HHIPL1: variants seen among roughly 807,000 people sequenced by gnomAD.
HHIPL1 encodes the protein HHIP-like protein 1.
In HHIPL1, 43 loss-of-function variants were observed where a neutral mutation model predicts 61.8. That is an observed-to-expected ratio of 0.70 (90% CI 0.55 to 0.90). The LOEUF (loss-of-function observed/expected upper bound fraction) is 0.90, where lower values mean the gene tolerates loss of function less well. Ranked by LOEUF, HHIPL1 falls within the 40% of genes least tolerant of loss-of-function variation. The pLI is 0.00. For missense variants in HHIPL1, 1,056 were observed against 1,157.7 expected (o/e 0.91, Z 1.28); for synonymous variants, 482 against 515.8 (o/e 0.93, Z 0.89).
chr14:99,615,833 C>T, the HHIPL1 span, among the ~76,000 whole-genome samples: 1,436 of 152,216 alleles, frequency 9.4e-3, 20 homozygotes, highest in Non-Finnish European at 0.014. Context: ...AGGAGGCTCC[C>T]GGAGGAACTG....
At chr14:99,662,739 G>C in intron 5 of HHIPL1, 137 bp from the exon 6 acceptor site, 1 of 794,554 alleles carries the variant, frequency 1.3e-6, no homozygotes, top group Non-Finnish European at 2.0e-6. Flanking sequence ...TGGATATGTA[G>C]ATGGATGGTG....
the HHIPL1 span, among the ~76,000 whole-genome samples, chr14:99,628,597 GA>G: frequency 2.7e-4 from 39 of 144,812 alleles, no homozygotes; most frequent in African/African-American, 2.6e-4. Context: ...AAAAAAAAAA[GA>G]AAAAAAGAAA....
In HHIPL1 at chr14:99,679,374, C is replaced by T. The variant is rs78677915; in HGVS notation, c.*3748C>T. On this transcript the variant is annotated 3_prime_UTR_variant, in exon 9 of 9. Coordinates refer to ENST00000330710, the MANE Select transcript of HHIPL1 (RefSeq NM_001127258.3). ...GGGGCACAGCCTTCACCCTCACCCC[C>T]TCTAATCCAACCTCTAGTCAATAGC... is the stretch of plus-strand genomic sequence containing the variant. 0.041 allele frequency: 6,257 copies of T among 152,554 alleles called. 170 individuals carry two copies. The highest frequency in any genetic ancestry group is 0.065 in the Non-Finnish European group (4,452 of 68,198). 9.5% of individuals were successfully genotyped at this position (152,554 alleles called of 1,614,324 possible). A position where few individuals can be genotyped will look rare whatever the true frequency, so the allele number is the denominator to read the frequency against.
chr14:99,656,840 G>GAAAGAAAGA (rs1566809921), intron 2 of HHIPL1, among the ~76,000 whole-genome samples, 160 bp from the exon 3 acceptor site: 2 of 2,314 alleles, frequency 8.6e-4, no homozygotes, highest in African/African-American at 2.1e-3. Context: ...AGAAAGAAAG[G>GAAAGAAAGA]AAGGAAGGAA....
At chr14:99,645,498 G>T in intron 1 of HHIPL1, 36 bp downstream of exon 1, 3 of 1,259,670 alleles carry the variant, frequency 2.4e-6, no homozygotes, top group Non-Finnish European at 3.0e-6. Flanking sequence ...GGGGCGGGGC[G>T]CGGGAGGCCG....
Position 99,660,404 on chromosome 14 carries a change from CGG to C in HHIPL1, c.1502_1502+1del. On this transcript the variant is annotated frameshift_variant and splice_region_variant, in exon 5 of 9. Transcript: ENST00000330710. LOFTEE classifies it high-confidence loss of function. This position sits in a 1 kb window ranked among gnomAD's most constrained non-coding sequence, Gnocchi z 4.9. ...GLYIFGDFMS[G>X]RLMSLQENPG... ...TCTACATTTTTGGGGATTTCATGAG[CGG>C]GTAAGTGACCTAGTGCCCTCGCGCC... is the stretch of plus-strand genomic sequence containing the variant. The C allele has an allele frequency of 6.2e-7, 1 of 1,612,430 alleles. No individual in the cohort carries two copies. Among genetic ancestry groups the C allele is most frequent in the Non-Finnish European group, 8.5e-7 (1 of 1,178,928 alleles).
At chr14:99,664,451 C>T (rs1389461806) in intron 6 of HHIPL1, among the ~76,000 whole-genome samples, 1 of 152,124 alleles carries the variant, frequency 6.6e-6, no homozygotes, top group Non-Finnish European at 1.5e-5. Context: ...AAGGAAGGTA[C>T]AGTTCCCAAA....
In HHIPL1 at chr14:99,660,131, CAG is replaced by C; in HGVS notation, c.1376-148_1376-147del. The C allele has an allele frequency of 8.5e-5, 56 of 656,310 alleles. 2 individuals are homozygous for C. Among genetic ancestry groups the C allele is most frequent in the South Asian group, 3.9e-4 (15 of 38,206 alleles). The allele number at this position is 656,310 out of a possible 1,614,324, so 40.7% of individuals were successfully genotyped here. On this transcript the variant is annotated intron_variant, in intron 4 of 8. Transcript: ENST00000330710. This position sits in a 1 kb window ranked among gnomAD's most constrained non-coding sequence, Gnocchi z 4.9. ...CCTGCAGACACGCTTTCCACCACGC[CAG>C]CCCTGCTGTGGGCACGCCAGCCCTG...
the HHIPL1 span, among the ~76,000 whole-genome samples, chr14:99,621,338 G>A: frequency 1.3e-5 from 2 of 152,124 alleles, no homozygotes; most frequent in Non-Finnish European, 2.9e-5. Context: ...GGGCTCAAGC[G>A]ATAGTTCATC....
intron 8 of HHIPL1, among the ~76,000 whole-genome samples, chr14:99,673,813 C>T (rs943444202): frequency 1.6e-5 from 1 of 60,926 alleles, no homozygotes; most frequent in African/African-American, 7.1e-5. Context: ...GGGGGGTGCA[C>T]TGAGGGGGGC....
Position 99,668,226 on chromosome 14 carries a change from G to T in HHIPL1, c.1653G>T (p.Glu551Asp), listed in dbSNP as rs2056277541. Reference protein sequence around the residue: ...IISFGEDEAGELYFMSTGEPS... With the variant: ...IISFGEDEAGDLYFMSTGEPS... ...GTCACTTTGTTCTGTCCAAAGGGGA[G>T]CTGTACTTCATGTCGACAGGGGAGC... is the stretch of plus-strand genomic sequence containing the variant. The change falls in exon 7 of 9, where the codon GAG (glutamate) becomes GAT (aspartate). Residue 551 changes from glutamate to aspartate, a missense_variant. Coordinates refer to ENST00000330710, the MANE Select transcript of HHIPL1 (RefSeq NM_001127258.3). The surrounding 1 kb of genome is among the most constrained non-coding windows in gnomAD (Gnocchi z 4.7). 6.2e-7 allele frequency: 1 copy of T among 1,605,156 alleles called. No individual in the cohort carries two copies. The highest frequency in any genetic ancestry group is 1.1e-5 in the South Asian group (1 of 90,910).
chr14:99,653,811 C>G (rs990392187), intron 2 of HHIPL1, among the ~76,000 whole-genome samples: 5 of 152,224 alleles, frequency 3.3e-5, no homozygotes, highest in African/African-American at 4.8e-5. Context: ...ATGTATCAGT[C>G]TAAGTCCAGT....
chr14:99,661,451 A>AAGGAAGGAAG (rs1595162004), intron 5 of HHIPL1, among the ~76,000 whole-genome samples: 2 of 151,668 alleles, frequency 1.3e-5, no homozygotes, highest in South Asian at 2.1e-4. Flanking sequence ...GGAAGGAAGG[A>AAGGAAGGAAG]GTACATGCTT....
the HHIPL1 span, among the ~76,000 whole-genome samples, chr14:99,613,675 G>A: frequency 2.0e-5 from 3 of 151,998 alleles, no homozygotes; most frequent in East Asian, 2.0e-4. Flanking sequence ...TTGGGAGGCC[G>A]AGGTGGGCAG....
chr14:99,663,144 T>A, intron 6 of HHIPL1, 123 bp downstream of exon 6: 1 of 916,150 alleles, frequency 1.1e-6, no homozygotes, highest in Non-Finnish European at 1.6e-6. Context: ...AGTTCCCACC[T>A]GGGATGTTCC....
rs745961000 is a variant in HHIPL1, at chr14:99,659,669, G to T, written c.1288G>T (p.Val430Leu). 5.8e-6 allele frequency: 9 copies of T among 1,539,988 alleles called. No individual in the cohort carries two copies. The highest frequency in any genetic ancestry group is 7.8e-6 in the Non-Finnish European group (9 of 1,147,888). ...CCAGAACAAGTTCGAGGAGGTGGAC[G>T]TGGTGGAGCGCGGCGGCAACTATGG... ...VGQNKFEEVD[V>L]VERGGNYGWR... Residue 430 changes from valine to leucine, a missense_variant, in exon 4 of 9, where the codon GTG becomes TTG. Transcript: ENST00000330710.
chr14:99,642,385 T>G (rs1437301078), upstream of HHIPL1, among the ~76,000 whole-genome samples: 2 of 152,248 alleles, frequency 1.3e-5, no homozygotes, highest in Non-Finnish European at 2.9e-5. Flanking sequence ...AACTTCTGTT[T>G]TTCTCTTGGT....
At chr14:99,655,622 A>G (rs75919433) in intron 2 of HHIPL1, among the ~76,000 whole-genome samples, 1 of 152,140 alleles carries the variant, frequency 6.6e-6, no homozygotes, top group South Asian at 2.1e-4. Flanking sequence ...TCAAAAAAGG[A>G]AAAAAAGAAA....
At chr14:99,624,124 A>G in the HHIPL1 span, among the ~76,000 whole-genome samples, 1 of 152,184 alleles carries the variant, frequency 6.6e-6, no homozygotes, top group African/African-American at 2.4e-5. Context: ...GAAGGGCCCG[A>G]GGCTTGCCAA....
Sources: allele counts gnomAD v4.1 joint callset (sites outside exome capture counted in the v4.1 genomes callset), GRCh38; gene constraint gnomAD v4.1.1; non-coding constraint Gnocchi (gnomAD v3.1); transcripts MANE v1.5; gene names NCBI Gene and HGNC (gene_info 2026-07-23, HGNC 2026-07-21).